KMO: variants seen among roughly 807,000 people sequenced by gnomAD.
KMO encodes kynurenine 3-monooxygenase.
Under a neutral mutation model 57.8 loss-of-function variants are expected in KMO, and 24 were observed. The ratio of observed to expected loss-of-function variants is 0.42; its 90% CI spans 0.30 to 0.58. The LOEUF is 0.58. KMO is among the 20% of genes least tolerant of loss of function. KMO has a pLI of 0.22. For missense variants in KMO, 483 were observed against 588.2 expected, an observed-to-expected ratio of 0.82 and a Z score of 1.85; for synonymous variants, 210 against 193.6, an observed-to-expected ratio of 1.08 and a Z score of -0.70.
intron 10 of KMO, among the ~76,000 whole-genome samples, chr1:241,574,072 T>C (rs1662410639): frequency 6.6e-6 from 1 of 152,100 alleles, no homozygotes; most frequent in South Asian, 2.1e-4. Context: ...CTCAGTTTGG[T>C]TGTTGTCAGT....
chr1:241,567,391 A>T (rs746645966), intron 9 of KMO, among the ~76,000 whole-genome samples: 1 of 152,180 alleles, frequency 6.6e-6, no homozygotes, highest in Non-Finnish European at 1.5e-5. Context: ...TGGAAGGGGC[A>T]TGGGATCTCT....
intron 10 of KMO, among the ~76,000 whole-genome samples, chr1:241,571,894 G>A (rs1169751305): frequency 1.5e-5 from 2 of 132,056 alleles, no homozygotes; most frequent in Non-Finnish European, 3.2e-5. Context: ...TTGAGATGGA[G>A]TCTCGCTCTG....
intron 1 of KMO, among the ~76,000 whole-genome samples, chr1:241,537,780 T>A (rs138299198): frequency 2.0e-4 from 30 of 152,196 alleles, no homozygotes; most frequent in African/African-American, 7.2e-4. Flanking sequence ...ATCATCAGAT[T>A]TCATGAGACT....
At chr1:241,569,097 C>T (rs1243072474) in intron 10 of KMO, among the ~76,000 whole-genome samples, 1 of 151,972 alleles carries the variant, frequency 6.6e-6, no homozygotes, top group Non-Finnish European at 1.5e-5. Context: ...TTCAGGAATA[C>T]AATGTATATG....
At chr1:241,548,204 G>A (rs1661224788) in intron 1 of KMO, among the ~76,000 whole-genome samples, 1 of 152,106 alleles carries the variant, frequency 6.6e-6, no homozygotes, top group Non-Finnish European at 1.5e-5. Context: ...GCCAAGGTGG[G>A]AGAATCACTT....
At chr1:241,547,873 C>T (rs1161942347) in intron 1 of KMO, among the ~76,000 whole-genome samples, 1 of 152,054 alleles carries the variant, frequency 6.6e-6, no homozygotes, top group Non-Finnish European at 1.5e-5. Flanking sequence ...AGAATTCCTG[C>T]ACACACACAC....
At chr1:241,549,408 T>C (rs1206921593) in intron 2 of KMO, among the ~76,000 whole-genome samples, 2 of 152,126 alleles carry the variant, frequency 1.3e-5, no homozygotes, top group Non-Finnish European at 2.9e-5. Context: ...GTGGTTCTAA[T>C]TCTTTGACTT....
At chr1:241,538,732 T>C (rs1004721566) in intron 1 of KMO, among the ~76,000 whole-genome samples, 1 of 152,186 alleles carries the variant, frequency 6.6e-6, no homozygotes, top group African/African-American at 2.4e-5. Flanking sequence ...AATGGATTTC[T>C]TTGTGGCTGT....
intron 11 of KMO, among the ~76,000 whole-genome samples, chr1:241,587,577 G>T (rs1426685505): frequency 6.6e-6 from 1 of 152,012 alleles, no homozygotes; most frequent in South Asian, 2.1e-4. Context: ...CAGAGTAGCT[G>T]GGATTACAGG....
At position 241,536,500 on chromosome 1, in the gene KMO, G is replaced by A. The variant is rs997449257; in HGVS notation, c.54+4002G>A. ...TGACGAAAGTGATCAGAGCAAAAAG[G>A]CACCATTTCAGTGACAGCTAAAGCT... On this transcript the variant is annotated intron_variant, in intron 1 of 14. Coordinates refer to ENST00000366559, the MANE Select transcript of KMO (RefSeq NM_003679.5). 4.4e-5 allele frequency: 43 copies of A among 985,626 alleles called. No homozygotes were observed. The East Asian group carries it at 2.5e-3, about 57-fold the overall frequency. 61.1% of individuals were successfully genotyped at this position (985,626 alleles called of 1,614,324 possible).
intron 1 of KMO, among the ~76,000 whole-genome samples, chr1:241,547,392 C>A (rs1661189921): frequency 6.6e-6 from 1 of 151,898 alleles, no homozygotes; most frequent in Admixed American, 6.6e-5. Context: ...ATGACAAAGA[C>A]TCTATATTCA....
chr1:241,539,276 C>T (rs1010384113), intron 1 of KMO, among the ~76,000 whole-genome samples: 10 of 151,450 alleles, frequency 6.6e-5, no homozygotes, highest in South Asian at 4.2e-4. Context: ...CCCAGTTATT[C>T]GGGAGGCTGA....
chr1:241,550,311 C>T lies in KMO; in HGVS notation c.222+537C>T, dbSNP rs561571643. ...TGATATCCAGCATATGTGTACTACACTACTTTCTAAAATTGAAAAATTCTG... is the reference window on the plus strand; with the variant it reads ...TGATATCCAGCATATGTGTACTACATTACTTTCTAAAATTGAAAAATTCTG... On this transcript the variant is annotated intron_variant, in intron 3 of 14. Coordinates refer to ENST00000366559, the MANE Select transcript of KMO (RefSeq NM_003679.5). Among the ~76,000 whole-genome samples the T allele has an allele frequency of 3.3e-5, 5 of 152,262 alleles. No individual in the cohort carries two copies. The South Asian group carries it at 1.0e-3, about 32-fold the overall frequency.
In KMO at chr1:241,592,811, T is replaced by C. The variant is rs916156246; in HGVS notation, c.*658T>C. 6.5e-6 allele frequency: 1 copy of C among 154,148 alleles called. No homozygotes were observed. Among genetic ancestry groups the C allele is most frequent in the Non-Finnish European group, 1.4e-5 (1 of 69,394 alleles). The allele number at this position is 154,148 out of a possible 1,614,324, so 9.5% of individuals were successfully genotyped here. On this transcript the variant is annotated 3_prime_UTR_variant, in exon 15 of 15. Transcript: ENST00000366559. ...CTATCTATCTATCTCTATTTATTTA[T>C]GTATTTAGAGATCAGGTCTCACTCT... is the stretch of plus-strand genomic sequence containing the variant.
At chr1:241,565,558 TAAAAA>T (rs56260608) in intron 8 of KMO, among the ~76,000 whole-genome samples, 127 of 128,912 alleles carry the variant, frequency 9.9e-4, no homozygotes, top group Admixed American at 9.5e-4. Context: ...TTGCCTCTAC[TAAAAA>T]AAAAAAAAAA....
At chr1:241,560,920 G>T (rs1328797972) in intron 6 of KMO, among the ~76,000 whole-genome samples, 168 bp downstream of exon 6, 1 of 152,140 alleles carries the variant, frequency 6.6e-6, no homozygotes, top group South Asian at 2.1e-4. Flanking sequence ...GGCCCTGATG[G>T]CCATCTGAAC....
intron 4 of KMO, among the ~76,000 whole-genome samples, chr1:241,552,586 G>A (rs1306217929): frequency 6.6e-6 from 1 of 152,052 alleles, no homozygotes; most frequent in Admixed American, 6.5e-5. Context: ...GGTATTGGCC[G>A]TGTACCATGG....
rs1165533060 is a variant in KMO, at chr1:241,592,522, G to A, written c.*369G>A. On this transcript the variant is annotated 3_prime_UTR_variant, in exon 15 of 15. Coordinates refer to ENST00000366559, the MANE Select transcript of KMO (RefSeq NM_003679.5). ...GCAACAGCATTGACTCAACACCTAG[G>A]ACTAAAAATCACAACTTAACTAGCA... 4.9e-6 allele frequency: 1 copy of A among 205,514 alleles called. No homozygotes were observed. The highest frequency in any genetic ancestry group is 9.8e-6 in the Non-Finnish European group (1 of 102,364). The allele number at this position is 205,514 out of a possible 1,614,324, so 12.7% of individuals were successfully genotyped here. A position where few individuals can be genotyped will look rare whatever the true frequency, so the allele number is the denominator to read the frequency against.
rs969009411 is a variant in KMO at position 241,594,894 on chromosome 1, C to G, written c.*2741C>G. 1 of 580,802 alleles carries G rather than the reference C, an allele frequency of 1.7e-6. No homozygotes were observed. Among genetic ancestry groups the G allele is most frequent in the African/African-American group, 1.9e-5 (1 of 53,496 alleles). 36.0% of individuals were successfully genotyped at this position (580,802 alleles called of 1,614,324 possible). ...TTTATTCATTCTAATTCTTATTAACCGGAATATGTAGGACCATTTCAATAC... is the reference window on the plus strand; with the variant it reads ...TTTATTCATTCTAATTCTTATTAACGGGAATATGTAGGACCATTTCAATAC... On this transcript the variant is annotated 3_prime_UTR_variant, in exon 15 of 15. Transcript: ENST00000366559.
Sources: allele counts gnomAD v4.1 joint callset (sites outside exome capture counted in the v4.1 genomes callset), GRCh38; gene constraint gnomAD v4.1.1; transcripts MANE v1.5; gene names NCBI Gene and HGNC (gene_info 2026-07-23, HGNC 2026-07-21).